Variants in CCDC80 observed in about 807,000 individuals in gnomAD.
The protein encoded by CCDC80 is coiled-coil domain containing 80.
CCDC80 carries 49 observed loss-of-function variants against 78.7 expected under a neutral mutation model. That is an observed-to-expected ratio of 0.62 (90% CI 0.50 to 0.79). CCDC80 has a LOEUF of 0.79. Among genes scored for constraint, CCDC80 ranks in the 30% least tolerant of loss-of-function variants. CCDC80 has a pLI of 0.00. For synonymous variants in CCDC80, 488 were observed against 447.0 expected, an observed-to-expected ratio of 1.09 and a Z score of -1.16; for missense variants, 1,205 against 1,198.6, an observed-to-expected ratio of 1.01 and a Z score of -0.08.
intron 2 of CCDC80, among the ~76,000 whole-genome samples, chr3:112,635,405 C>A (rs1936186840): frequency 6.6e-6 from 1 of 152,122 alleles, no homozygotes; most frequent in Non-Finnish European, 1.5e-5. Context: ...GAGCACTAAG[C>A]CTTAATGAAT....
At position 112,603,827 on chromosome 3, in the gene CCDC80, C is replaced by G. The variant is rs1449216880; in HGVS notation, c.*1590G>C. 2 of 152,086 alleles carry G rather than the reference C, an allele frequency of 1.3e-5. No homozygotes were observed. The highest frequency in any genetic ancestry group is 4.8e-5 in the African/African-American group (2 of 41,402). The allele number at this position is 152,086 out of a possible 1,614,324, so 9.4% of individuals were successfully genotyped here. On this transcript the variant is annotated 3_prime_UTR_variant, in exon 8 of 8. Transcript: ENST00000206423. The stretch of plus-strand genomic sequence containing the variant: ...GCAAATTAAAAACCTGGAAAGGATT[C>G]ACCATTCTAGATGCTGTTAAGAACA...
At chr3:112,611,579 G>A (rs1220444081) in intron 5 of CCDC80, among the ~76,000 whole-genome samples, 1 of 152,182 alleles carries the variant, frequency 6.6e-6, no homozygotes. Flanking sequence ...AAATCTAAGA[G>A]GCATTACCAA....
At chr3:112,615,540 C>T (rs997130559) in intron 5 of CCDC80, among the ~76,000 whole-genome samples, 1 of 152,016 alleles carries the variant, frequency 6.6e-6, no homozygotes, top group Non-Finnish European at 1.5e-5. Flanking sequence ...GTGGATTTGG[C>T]AGAGGCGTTT....
rs1262914963 is a variant in CCDC80, at chr3:112,601,070, A to G, written c.*4347T>C. On this transcript the variant is annotated 3_prime_UTR_variant, in exon 8 of 8. Transcript: ENST00000206423. ...GAGGGATGAGATGGGAGCATAATTCACACACTAAGAACTGAGTTCTAAAGT... is the reference window on the plus strand; with the variant it reads ...GAGGGATGAGATGGGAGCATAATTCGCACACTAAGAACTGAGTTCTAAAGT... 1.3e-5 allele frequency: 2 copies of G among 152,236 alleles called. No individual in the cohort carries two copies. The highest frequency in any genetic ancestry group is 6.5e-5 in the Admixed American group (1 of 15,290). The allele number at this position is 152,236 out of a possible 1,614,324, so 9.4% of individuals were successfully genotyped here.
At chr3:112,633,579 G>C (rs893267599) in intron 2 of CCDC80, among the ~76,000 whole-genome samples, 3 of 152,150 alleles carry the variant, frequency 2.0e-5, no homozygotes, top group Non-Finnish European at 4.4e-5. Flanking sequence ...GATCACCCTA[G>C]TCAGAGGAGA....
rs950931894 is a variant in CCDC80, at chr3:112,597,848, A to G, written c.*7569T>C. 2.6e-5 allele frequency: 4 copies of G among 152,232 alleles called. No homozygotes were observed. Among genetic ancestry groups the G allele is most frequent in the African/African-American group, 7.2e-5 (3 of 41,446 alleles). 9.4% of individuals were successfully genotyped at this position (152,232 alleles called of 1,614,324 possible). ...TAAAAACCCATAATTGATGATACAT[A>G]TTAGTTTATAATTAACGGCGTACCT... On this transcript the variant is annotated 3_prime_UTR_variant, in exon 8 of 8. Coordinates refer to ENST00000206423, the MANE Select transcript of CCDC80 (RefSeq NM_199511.3).
rs756494730 is a variant in CCDC80, at chr3:112,639,663, G to A, written c.243C>T (p.Pro81=). The change falls in exon 2 of 8, where the codon CCC becomes CCT. Residue 81 remains proline (P), a synonymous_variant. Transcript: ENST00000206423. ...LQPLQRRRSV[P]VLRLARPTEP... ...CTGTTGGGCGAGCTAGTCTCAACAC[G>A]GGCACACTCCTCCTTCTCTGGAGAG... 21 of 1,614,128 alleles carry A rather than the reference G, an allele frequency of 1.3e-5. No individual in the cohort carries two copies. The highest frequency in any genetic ancestry group is 1.7e-5 in the Admixed American group (1 of 60,020).
At chr3:112,622,822 ATTTTTTTTTT>A (rs373170477) in intron 3 of CCDC80, among the ~76,000 whole-genome samples, 4 of 118,900 alleles carry the variant, frequency 3.4e-5, no homozygotes, top group South Asian at 2.7e-4. Flanking sequence ...TGCCCAGCTA[ATTTTTTTTTT>A]TTTTTTTTTT....
intron 2 of CCDC80, among the ~76,000 whole-genome samples, chr3:112,631,289 C>G (rs139211709): frequency 1.0e-3 from 157 of 152,254 alleles, no homozygotes; most frequent in South Asian, 8.5e-3. Flanking sequence ...TGTTCCACAT[C>G]CCACAAGCTA....
chr3:112,637,975 T>G, intron 2 of CCDC80, 53 bp downstream of exon 2: 1 of 1,544,728 alleles, frequency 6.5e-7, no homozygotes, highest in East Asian at 2.2e-5. Context: ...AAGACAGACG[T>G]TAACATGCCC....
chr3:112,612,061 T>TTA (rs1553746183), intron 5 of CCDC80, among the ~76,000 whole-genome samples: 36 of 137,530 alleles, frequency 2.6e-4, no homozygotes, highest in African/African-American at 7.5e-4. Flanking sequence ...TTTTTTTTTT[T>TTA]AAAAAGGGAA....
At chr3:112,632,041 A>C (rs1477798692) in intron 2 of CCDC80, among the ~76,000 whole-genome samples, 3 of 152,182 alleles carry the variant, frequency 2.0e-5, no homozygotes, top group Non-Finnish European at 1.5e-5. Context: ...AATTTCTCCA[A>C]ATTTATTCAT....
chr3:112,606,905 C>CA (rs1559874042), intron 7 of CCDC80, among the ~76,000 whole-genome samples: 3 of 152,066 alleles, frequency 2.0e-5, no homozygotes, highest in Non-Finnish European at 4.4e-5. Context: ...TACGGACCCC[C>CA]AAAAAGCATT....
chr3:112,621,094 C>T (rs1163881575), intron 3 of CCDC80, among the ~76,000 whole-genome samples: 1 of 152,136 alleles, frequency 6.6e-6, no homozygotes, highest in East Asian at 1.9e-4. Context: ...TTCCCCCCTC[C>T]CTATAGCTAT....
At chr3:112,621,316 G>A (rs1935863440) in intron 3 of CCDC80, among the ~76,000 whole-genome samples, 1 of 152,166 alleles carries the variant, frequency 6.6e-6, no homozygotes, top group Admixed American at 6.5e-5. Context: ...CCAGCTTGCT[G>A]GAGGTTTAGT....
chr3:112,639,365 C>G lies in CCDC80; in HGVS notation c.541G>C (p.Glu181Gln), dbSNP rs747292036. 3 of 1,614,186 alleles carry G rather than the reference C, an allele frequency of 1.9e-6. No individual in the cohort carries two copies. Among genetic ancestry groups the G allele is most frequent in the Non-Finnish European group, 1.7e-6 (2 of 1,180,016 alleles). ...LKDDVYCELA[E>Q]RHIQQIVLFH... ...AGCACAATCTGTTGGATGTGCCTCT[C>G]CGCCAGCTCACAGTACACATCGTCC... Residue 181 changes from glutamate to glutamine, a missense_variant, in exon 2 of 8, where the codon GAG (glutamate) becomes CAG (glutamine). By Grantham distance (29) the Glu-to-Gln change is conservative. Transcript: ENST00000206423.
chr3:112,618,897 T>C (rs1331665678), intron 4 of CCDC80, 71 bp downstream of exon 4: 1 of 1,497,820 alleles, frequency 6.7e-7, no homozygotes, highest in Non-Finnish European at 9.1e-7. Flanking sequence ...TTGAATGGAC[T>C]GTTTAACAAA....
At chr3:112,621,699 A>G (rs906715305) in intron 3 of CCDC80, among the ~76,000 whole-genome samples, 11 of 152,182 alleles carry the variant, frequency 7.2e-5, no homozygotes, top group Non-Finnish European at 1.2e-4. Flanking sequence ...CTTCACAACT[A>G]AGGTTGCTGT....
chr3:112,633,381 C>T (rs1317527083), intron 2 of CCDC80, among the ~76,000 whole-genome samples: 1 of 152,140 alleles, frequency 6.6e-6, no homozygotes, highest in Non-Finnish European at 1.5e-5. Flanking sequence ...TTCTAGCATG[C>T]AGGGATCACT....
Sources: allele counts gnomAD v4.1 joint callset (sites outside exome capture counted in the v4.1 genomes callset), GRCh38; gene constraint gnomAD v4.1.1; transcripts MANE v1.5; gene names NCBI Gene and HGNC (gene_info 2026-07-23, HGNC 2026-07-21).